Variants in PLEKHH2 observed in about 807,000 individuals in gnomAD.
PLEKHH2 encodes pleckstrin homology domain-containing family H member 2.
PLEKHH2 carries 129 observed loss-of-function variants against 187.9 expected under a neutral mutation model. That is an observed-to-expected ratio of 0.69 (90% CI 0.59 to 0.79). The LOEUF is 0.79. Among genes scored for constraint, PLEKHH2 ranks in the 30% least tolerant of loss-of-function variants. PLEKHH2 has a pLI of 0.00. For missense variants in PLEKHH2, 2,076 were observed against 1,751.2 expected (o/e 1.19, Z -3.31); for synonymous variants, 686 against 605.6 (o/e 1.13, Z -1.95).
At chr2:43,705,235 T>C (rs1669597672) in intron 9 of PLEKHH2, among the ~76,000 whole-genome samples, 1 of 148,606 alleles carries the variant, frequency 6.7e-6, no homozygotes, top group Non-Finnish European at 1.5e-5. Context: ...GTTCTTTCCA[T>C]TCAGGAAATT....
In PLEKHH2 at chr2:43,757,163, G is replaced by C. The variant is rs1425355145; in HGVS notation, c.3840G>C (p.Gly1280=). The C allele has an allele frequency of 3.8e-6, 6 of 1,599,180 alleles. No individual in the cohort carries two copies. In the South Asian group the frequency reaches 6.8e-5, roughly 18 times the overall value. Residue 1280 remains glycine, a synonymous_variant, in exon 26 of 30, where the codon GGG becomes GGC. Transcript: ENST00000282406. ...DFERPFSTPA[G]HVTNQCKVNQ... ...AAAGACCTTTCTCAACTCCAGCAGG[G>C]CATGTTACCAATCAGTGCAAAGTGA...
At chr2:43,714,117 C>G (rs1022193605) in intron 15 of PLEKHH2, among the ~76,000 whole-genome samples, 2 of 152,162 alleles carry the variant, frequency 1.3e-5, no homozygotes, top group South Asian at 4.1e-4. Flanking sequence ...ATGAGCTATG[C>G]TCTTGTTTCA....
At chr2:43,759,172 G>T in intron 27 of PLEKHH2, 143 bp downstream of exon 27, 1 of 1,292,778 alleles carries the variant, frequency 7.7e-7, no homozygotes, top group Non-Finnish European at 1.0e-6. Flanking sequence ...AGAGACACTA[G>T]AGAAAGGGCA....
chr2:43,724,967 T>C (rs1328934223), intron 16 of PLEKHH2, among the ~76,000 whole-genome samples: 6 of 152,202 alleles, frequency 3.9e-5, no homozygotes, highest in Non-Finnish European at 7.3e-5. Context: ...AGAGTGAGTT[T>C]AGAGCAGGAG....
At chr2:43,736,139 T>G (rs1336383833) in intron 19 of PLEKHH2, among the ~76,000 whole-genome samples, 2 of 152,194 alleles carry the variant, frequency 1.3e-5, no homozygotes, top group Non-Finnish European at 2.9e-5. Flanking sequence ...ACAGATGGTA[T>G]ATTTGTATAC....
At position 43,697,223 on chromosome 2, in the gene PLEKHH2, C is replaced by A; in HGVS notation, c.555C>A (p.Gly185=). Residue 185 remains glycine, a synonymous_variant, in exon 7 of 30, where the codon GGC becomes GGA. Transcript: ENST00000282406. ...TCTCTACACTAAAGCTTTCGGAAGG[C>A]CAGCGCCTGAGCAGTTTGACCTTTG... ...STVSTLKLSE[G]QRLSSLTFGC... 6.2e-7 allele frequency: 1 copy of A among 1,613,390 alleles called. No homozygotes were observed. The highest frequency in any genetic ancestry group is 8.5e-7 in the Non-Finnish European group (1 of 1,179,586).
At position 43,700,219 on chromosome 2, in the gene PLEKHH2, A is replaced by G. The variant is rs930632185; in HGVS notation, c.1261A>G (p.Asn421Asp). Residue 421 changes from asparagine (N) to aspartate (D), a missense_variant, in exon 8 of 30, where the codon AAC becomes GAC. Physicochemically the swap from Asn to Asp is conservative, Grantham distance 23. Transcript: ENST00000282406. ...LTPALMPKHP[N>D]SLSGKGTQLV... ...CCCAGCTTTAATGCCAAAGCATCCT[A>G]ACTCACTCTCTGGAAAAGGAACACA... 6.2e-7 allele frequency: 1 copy of G among 1,614,022 alleles called. No homozygotes were observed. The highest frequency in any genetic ancestry group is 8.5e-7 in the Non-Finnish European group (1 of 1,180,004).
At chr2:43,693,271 A>T (rs1668910183) in intron 4 of PLEKHH2, among the ~76,000 whole-genome samples, 1 of 152,234 alleles carries the variant, frequency 6.6e-6, no homozygotes, top group Admixed American at 6.5e-5. Flanking sequence ...ACATTTGGTT[A>T]TCAGCAGGTA....
intron 2 of PLEKHH2, among the ~76,000 whole-genome samples, chr2:43,651,391 T>G (rs1457633503): frequency 6.6e-6 from 1 of 152,204 alleles, no homozygotes; most frequent in Non-Finnish European, 1.5e-5. Flanking sequence ...TTAGCCTCTC[T>G]TGGTTATATT....
chr2:43,646,546 A>T (rs1666193780), intron 2 of PLEKHH2, among the ~76,000 whole-genome samples: 1 of 152,200 alleles, frequency 6.6e-6, no homozygotes, highest in Non-Finnish European at 1.5e-5. Flanking sequence ...TTGGGTTGCA[A>T]TTAGTTGACC....
intron 1 of PLEKHH2, among the ~76,000 whole-genome samples, chr2:43,644,273 A>T (rs943417779): frequency 6.6e-6 from 1 of 151,890 alleles, no homozygotes; most frequent in African/African-American, 2.4e-5. Context: ...GCACAGCTAA[A>T]ATAATAACAC....
intron 28 of PLEKHH2, among the ~76,000 whole-genome samples, chr2:43,763,691 G>T (rs1437125245): frequency 6.6e-6 from 1 of 151,584 alleles, no homozygotes; most frequent in Non-Finnish European, 1.5e-5. Context: ...ATCAGGCCCG[G>T]CCTAAGTTAT....
At chr2:43,691,457 C>A (rs1668789772) in intron 3 of PLEKHH2, among the ~76,000 whole-genome samples, 1 of 152,012 alleles carries the variant, frequency 6.6e-6, no homozygotes, top group Admixed American at 6.6e-5. Context: ...GTTTAGAAAA[C>A]CAATTAGGAA....
chr2:43,749,523 A>T (rs1671923222), intron 24 of PLEKHH2, among the ~76,000 whole-genome samples: 1 of 151,922 alleles, frequency 6.6e-6, no homozygotes. Context: ...CTCTTCAAAA[A>T]TTTTTTTTTA....
chr2:43,647,698 G>A (rs1457954098), intron 2 of PLEKHH2, among the ~76,000 whole-genome samples: 1 of 152,102 alleles, frequency 6.6e-6, no homozygotes, highest in East Asian at 1.9e-4. Flanking sequence ...CACCTCTTTG[G>A]TTTTGTGTTA....
chr2:43,695,276 C>A (rs776533319), intron 6 of PLEKHH2, 52 bp downstream of exon 6: 2 of 1,012,250 alleles, frequency 2.0e-6, no homozygotes, highest in Admixed American at 3.0e-5. Flanking sequence ...ACTATATAGG[C>A]TTTTACTTTT....
At chr2:43,724,360 A>T (rs1191133062) in intron 16 of PLEKHH2, among the ~76,000 whole-genome samples, 1 of 152,198 alleles carries the variant, frequency 6.6e-6, no homozygotes, top group Non-Finnish European at 1.5e-5. Context: ...TTGTAGTTAG[A>T]ATGAACTTTT....
At chr2:43,725,707 A>T (rs1056714848) in intron 16 of PLEKHH2, among the ~76,000 whole-genome samples, 1 of 152,248 alleles carries the variant, frequency 6.6e-6, no homozygotes, top group Non-Finnish European at 1.5e-5. Flanking sequence ...CTCAGAAGTT[A>T]AATCTCTAAT....
chr2:43,712,807 A>T (rs1670032535), intron 15 of PLEKHH2, among the ~76,000 whole-genome samples: 2 of 152,192 alleles, frequency 1.3e-5, no homozygotes, highest in African/African-American at 4.8e-5. Context: ...AATACAAATG[A>T]TCAATAAGCA....
Sources: allele counts gnomAD v4.1 joint callset (sites outside exome capture counted in the v4.1 genomes callset), GRCh38; gene constraint gnomAD v4.1.1; transcripts MANE v1.5; gene names NCBI Gene and HGNC (gene_info 2026-07-23, HGNC 2026-07-21).